The following GRM5 variants were observed in gnomAD, a reference collection of about 807,000 sequenced individuals.
The protein encoded by GRM5 is metabotropic glutamate receptor 5.
A neutral mutation model predicts 83.1 loss-of-function variants in GRM5; 19 were observed. The observed-to-expected ratio is 0.23, with a 90% CI of 0.16 to 0.34. The LOEUF is 0.34. Ranked by LOEUF, GRM5 falls within the 10% of genes least tolerant of loss-of-function variation. The probability of loss-of-function intolerance (pLI) is 1.00; values close to 1 mark genes in which losing one functional copy is unlikely to be tolerated. For missense variants in GRM5, 1,160 were observed against 1,588.3 expected (o/e 0.73, Z 4.58); for synonymous variants, 675 against 633.6 (o/e 1.07, Z -0.98).
At chr11:88,588,318 T>G (rs1943361502) in intron 7 of GRM5, among the ~76,000 whole-genome samples, 1 of 152,184 alleles carries the variant, frequency 6.6e-6, no homozygotes, top group Non-Finnish European at 1.5e-5. Flanking sequence ...AAAAGCACCT[T>G]GCTTAGGAAA....
At chr11:88,962,997 G>A (rs1391024203) in intron 2 of GRM5, among the ~76,000 whole-genome samples, 3 of 152,224 alleles carry the variant, frequency 2.0e-5, no homozygotes, top group Admixed American at 1.3e-4. Flanking sequence ...GCTGAGGCAG[G>A]AGAATTGTTT....
intron 2 of GRM5, among the ~76,000 whole-genome samples, chr11:89,043,237 C>G (rs1220119840): frequency 6.6e-6 from 1 of 152,130 alleles, no homozygotes; most frequent in East Asian, 1.9e-4. Context: ...CTCTAATAGG[C>G]CCTGTGGATA....
At chr11:88,510,988 T>A (rs1342082661) in intron 9 of GRM5, among the ~76,000 whole-genome samples, 3 of 152,208 alleles carry the variant, frequency 2.0e-5, no homozygotes, top group Admixed American at 2.0e-4. Context: ...TACAGTTTTA[T>A]CATCACAGCC....
Position 88,978,474 on chromosome 11 carries a change from TAAAAAAAAAAAAAA to T in GRM5, c.661+68724_661+68737del, listed in dbSNP as rs200343438. Among the ~76,000 whole-genome samples the T allele has an allele frequency of 5.4e-4, 53 of 97,982 alleles. 1 individual carries two copies. Among genetic ancestry groups the T allele is most frequent in the African/African-American group, 6.2e-4 (17 of 27,208 alleles). The allele number at this position is 97,982 out of a possible 152,430, so 64.3% of individuals were successfully genotyped here. On this transcript the variant is annotated intron_variant, in intron 2 of 9. Transcript: ENST00000305447. ...TAACATTAACAACAGCAGATGAGCT[TAAAAAAAAAAAAAA>T]AAAAAAAAAAAAAAAAAAAAAAAAA... is the stretch of plus-strand genomic sequence containing the variant.
intron 3 of GRM5, among the ~76,000 whole-genome samples, chr11:88,843,105 T>C (rs1722560905): frequency 6.6e-6 from 1 of 152,218 alleles, no homozygotes; most frequent in Admixed American, 6.5e-5. Context: ...ATTGCATTTT[T>C]TACAAATTGA....
chr11:88,992,182 C>G (rs993372963), intron 2 of GRM5, among the ~76,000 whole-genome samples: 2 of 152,132 alleles, frequency 1.3e-5, no homozygotes, highest in Non-Finnish European at 2.9e-5. Flanking sequence ...AAGAAACAAA[C>G]AACTCCATCA....
intron 2 of GRM5, among the ~76,000 whole-genome samples, chr11:89,028,222 A>T (rs1433622861): frequency 6.6e-6 from 1 of 152,210 alleles, no homozygotes; most frequent in Admixed American, 6.5e-5. Context: ...CCACATCCTC[A>T]TTAATTATAA....
At chr11:88,583,402 G>A (rs992694476) in intron 7 of GRM5, among the ~76,000 whole-genome samples, 2 of 152,196 alleles carry the variant, frequency 1.3e-5, no homozygotes, top group African/African-American at 4.8e-5. Context: ...TTGACATTAA[G>A]CTGTTGATAC....
At chr11:88,518,398 A>G (rs1381892988) in intron 9 of GRM5, among the ~76,000 whole-genome samples, 2 of 152,068 alleles carry the variant, frequency 1.3e-5, no homozygotes, top group East Asian at 1.9e-4. Flanking sequence ...TAAGCTACTC[A>G]TCATACATAA....
intron 3 of GRM5, among the ~76,000 whole-genome samples, chr11:88,750,646 A>G (rs567734608): frequency 1.1e-4 from 16 of 151,924 alleles, no homozygotes; most frequent in African/African-American, 3.6e-4. Flanking sequence ...TTACCACCAC[A>G]CATCACTTTA....
At chr11:88,778,081 A>C (rs1942896600) in intron 3 of GRM5, among the ~76,000 whole-genome samples, 1 of 151,672 alleles carries the variant, frequency 6.6e-6, no homozygotes, top group Admixed American at 6.6e-5. Flanking sequence ...TAGAGGCAGT[A>C]GGCCTTGTTG....
intron 4 of GRM5, among the ~76,000 whole-genome samples, chr11:88,636,125 T>C (rs1939112445): frequency 6.6e-6 from 1 of 152,224 alleles, no homozygotes; most frequent in South Asian, 2.1e-4. Context: ...GGACATCACT[T>C]ATTTTTTTCT....
At chr11:88,515,020 G>A (rs1423730143) in intron 9 of GRM5, among the ~76,000 whole-genome samples, 1 of 152,000 alleles carries the variant, frequency 6.6e-6, no homozygotes, top group Non-Finnish European at 1.5e-5. Flanking sequence ...AATTCCTGGT[G>A]GGAGGAGAAT....
intron 2 of GRM5, among the ~76,000 whole-genome samples, chr11:88,946,236 G>T (rs766536109): frequency 5.9e-5 from 9 of 152,066 alleles, no homozygotes; most frequent in Non-Finnish European, 1.3e-4. Flanking sequence ...AAAAGCAAAA[G>T]ATGCTGGCAA....
intron 2 of GRM5, among the ~76,000 whole-genome samples, chr11:88,915,742 C>A (rs1459218611): frequency 6.6e-6 from 1 of 152,200 alleles, no homozygotes; most frequent in Non-Finnish European, 1.5e-5. Context: ...AAACAGGTTT[C>A]TTTGGAGGAT....
At chr11:88,964,659 A>G (rs1216724482) in intron 2 of GRM5, among the ~76,000 whole-genome samples, 1 of 152,170 alleles carries the variant, frequency 6.6e-6, no homozygotes, top group Non-Finnish European at 1.5e-5. Context: ...AAAGCACAAT[A>G]CATATCAAAA....
At chr11:88,779,778 A>G (rs1591510483) in intron 3 of GRM5, among the ~76,000 whole-genome samples, 1 of 152,124 alleles carries the variant, frequency 6.6e-6, no homozygotes, top group South Asian at 2.1e-4. Context: ...TCTGATTCAA[A>G]TGATCCATTT....
At chr11:88,859,692 G>A (rs1171689334) in intron 2 of GRM5, among the ~76,000 whole-genome samples, 1 of 152,090 alleles carries the variant, frequency 6.6e-6, no homozygotes, top group Non-Finnish European at 1.5e-5. Context: ...TTAAGACACT[G>A]GGTAAAAATT....
intron 7 of GRM5, among the ~76,000 whole-genome samples, chr11:88,575,661 G>C (rs1196251097): frequency 6.6e-6 from 1 of 152,198 alleles, no homozygotes; most frequent in Admixed American, 6.5e-5. Flanking sequence ...TATGTCCTTA[G>C]AGTTGCTGCC....
Sources: allele counts gnomAD v4.1 joint callset (sites outside exome capture counted in the v4.1 genomes callset), GRCh38; gene constraint gnomAD v4.1.1; transcripts MANE v1.5; gene names NCBI Gene and HGNC (gene_info 2026-07-23, HGNC 2026-07-21).